Variants in TRIM25 observed in about 807,000 individuals in gnomAD.
TRIM25 encodes the protein E3 ubiquitin/ISG15 ligase TRIM25.
In TRIM25, 45 loss-of-function variants were observed where a neutral mutation model predicts 65.2. The observed-to-expected ratio is 0.69, with a 90% confidence interval of 0.54 to 0.89. The LOEUF (loss-of-function observed/expected upper bound fraction) is 0.89. Ranked by LOEUF, TRIM25 falls within the 40% of genes least tolerant of loss-of-function variation. The probability of loss-of-function intolerance (pLI) is 0.00; values close to 1 mark genes in which losing one functional copy is unlikely to be tolerated. For missense variants in TRIM25, 714 were observed against 803.7 expected, an observed-to-expected ratio of 0.89 and a Z score of 1.35; for synonymous variants, 321 against 340.4, an observed-to-expected ratio of 0.94 and a Z score of 0.63.
chr17:56,904,171 G>A (rs1336687210), intron 3 of TRIM25, 84 bp downstream of exon 3: 47 of 1,183,294 alleles, frequency 4.0e-5, no homozygotes, highest in East Asian at 2.3e-4. Context: ...CCAGTCTCCC[G>A]CTCCTTGAGG....
At chr17:56,900,846 G>A (rs1252798686) in intron 4 of TRIM25, among the ~76,000 whole-genome samples, 1 of 152,178 alleles carries the variant, frequency 6.6e-6, no homozygotes, top group Non-Finnish European at 1.5e-5. Flanking sequence ...AAGCAGAATA[G>A]GTCCCAGGAC....
chr17:56,896,378 G>T (rs955206886), intron 5 of TRIM25, among the ~76,000 whole-genome samples: 5 of 150,528 alleles, frequency 3.3e-5, no homozygotes, highest in Non-Finnish European at 5.9e-5. Flanking sequence ...AGGGCTGGGC[G>T]CATGGTGGCT....
At position 56,889,994 on chromosome 17, in the gene TRIM25, G is replaced by C. The variant is rs149213904; in HGVS notation, c.*1706C>G. 5.8e-4 allele frequency: 235 copies of C among 402,530 alleles called. No homozygotes were observed. The East Asian group carries it at 7.3e-3, about 13-fold the overall frequency. The allele number at this position is 402,530 out of a possible 1,614,324, so 24.9% of individuals were successfully genotyped here. A position where few individuals can be genotyped will look rare whatever the true frequency, so the allele number is the denominator to read the frequency against. On this transcript the variant is annotated 3_prime_UTR_variant, in exon 9 of 9. Transcript: ENST00000316881. ...GATGACACCGATCAGGTATGTACCT[G>C]CATGTCAGGTGTGTAGCTGTCAGGA...
In TRIM25 at chr17:56,889,600, C is replaced by T. The variant is rs1909125812; in HGVS notation, c.*2100G>A. 1 of 396,118 alleles carries T rather than the reference C, an allele frequency of 2.5e-6. No individual in the cohort carries two copies. Among genetic ancestry groups the T allele is most frequent in the South Asian group, 1.4e-4 (1 of 7,044 alleles). The allele number at this position is 396,118 out of a possible 1,614,324, so 24.5% of individuals were successfully genotyped here. On this transcript the variant is annotated 3_prime_UTR_variant, in exon 9 of 9. Transcript: ENST00000316881. ...AGCTTGGCTTTGGTTACCTACTTGA[C>T]TCTCTTTTAAACAGAGGGTCTTATG...
At chr17:56,909,801 C>T (rs918306500) in intron 1 of TRIM25, among the ~76,000 whole-genome samples, 2 of 152,100 alleles carry the variant, frequency 1.3e-5, no homozygotes, top group Non-Finnish European at 2.9e-5. Flanking sequence ...AAGCTAATAT[C>T]CTCATCTGAT....
At chr17:56,902,181 C>T (rs1023821960) in intron 3 of TRIM25, among the ~76,000 whole-genome samples, 1 of 152,218 alleles carries the variant, frequency 6.6e-6, no homozygotes, top group African/African-American at 2.4e-5. Context: ...TGAAACTTAA[C>T]GCCATCCAGA....
rs1909133820 is a variant in TRIM25 at position 56,889,927 on chromosome 17, A to G, written c.*1773T>C. On this transcript the variant is annotated 3_prime_UTR_variant, in exon 9 of 9. Transcript: ENST00000316881. ...CTATTGCAGGGATGTCTTTCCTACA[A>G]AGATTATTGCTCTCCCGAGGAACTG... 2.5e-6 allele frequency: 1 copy of G among 398,566 alleles called. No individual in the cohort carries two copies. The highest frequency in any genetic ancestry group is 4.4e-5 in the Admixed American group (1 of 22,756). 24.7% of individuals were successfully genotyped at this position (398,566 alleles called of 1,614,324 possible).
At chr17:56,911,002 C>A (rs558883863) in intron 1 of TRIM25, among the ~76,000 whole-genome samples, 1 of 152,226 alleles carries the variant, frequency 6.6e-6, no homozygotes, top group African/African-American at 2.4e-5. Flanking sequence ...TCCTGGCTCA[C>A]GCCTGTAATC....
chr17:56,908,759 T>A (rs1231518695), intron 1 of TRIM25, 196 bp from the exon 2 acceptor site: 2 of 587,858 alleles, frequency 3.4e-6, no homozygotes, highest in South Asian at 1.9e-5. Context: ...CTTCCCTTCA[T>A]CCTTTTCAGA....
rs1598068920 is a variant in TRIM25, at chr17:56,891,122, G to A, written c.*578C>T. On this transcript the variant is annotated 3_prime_UTR_variant, in exon 9 of 9. Coordinates refer to ENST00000316881, the MANE Select transcript of TRIM25 (RefSeq NM_005082.5). ...ATTTTCCAGTGGAGGAAGAGGGTAT[G>A]CCTCTTTAGGAAACTGTTCTGGGTA... 2.8e-6 allele frequency: 1 copy of A among 361,590 alleles called. No individual in the cohort carries two copies. The highest frequency in any genetic ancestry group is 7.3e-5 in the East Asian group (1 of 13,626). 22.4% of individuals were successfully genotyped at this position (361,590 alleles called of 1,614,324 possible).
chr17:56,891,335 C>G lies in TRIM25; in HGVS notation c.*365G>C, dbSNP rs1422621595. On this transcript the variant is annotated 3_prime_UTR_variant, in exon 9 of 9. Transcript: ENST00000316881. ...AGAGCAAAGGGGCAGCCTTCAGATCCAAGTGGCCCAAGACAGAACCTACAG... is the reference window on the plus strand; with the variant it reads ...AGAGCAAAGGGGCAGCCTTCAGATCGAAGTGGCCCAAGACAGAACCTACAG... 3.1e-6 allele frequency: 1 copy of G among 321,384 alleles called. No homozygotes were observed. Among genetic ancestry groups the G allele is most frequent in the Non-Finnish European group, 5.9e-6 (1 of 168,196 alleles). 19.9% of individuals were successfully genotyped at this position (321,384 alleles called of 1,614,324 possible). A position where few individuals can be genotyped will look rare whatever the true frequency, so the allele number is the denominator to read the frequency against.
Position 56,891,557 on chromosome 17 carries a change from T to TC in TRIM25, c.*142dup. The TC allele has an allele frequency of 1.1e-5, 3 of 283,244 alleles. No individual in the cohort carries two copies. Among genetic ancestry groups the TC allele is most frequent in the Non-Finnish European group, 2.1e-5 (3 of 142,426 alleles). 17.5% of individuals were successfully genotyped at this position (283,244 alleles called of 1,614,324 possible). A position where few individuals can be genotyped will look rare whatever the true frequency, so the allele number is the denominator to read the frequency against. ...ACCCCTTTCCTGGCTAAATCCCACCTCCCACCCTCCCGCCAGCTCCCCTCC... is the reference window on the plus strand; with the variant it reads ...ACCCCTTTCCTGGCTAAATCCCACCTCCCCACCCTCCCGCCAGCTCCCCTCC... On this transcript the variant is annotated 3_prime_UTR_variant, in exon 9 of 9. Transcript: ENST00000316881.
At chr17:56,899,277 C>A in intron 4 of TRIM25, 97 bp from the exon 5 acceptor site, 1 of 1,244,622 alleles carries the variant, frequency 8.0e-7, no homozygotes, top group South Asian at 1.3e-5. Context: ...AGGGTTTACA[C>A]AGACAGCCAT....
At chr17:56,904,067 G>A (rs577018567) in intron 3 of TRIM25, among the ~76,000 whole-genome samples, 188 bp downstream of exon 3, 1 of 152,272 alleles carries the variant, frequency 6.6e-6, no homozygotes, top group South Asian at 2.1e-4. Context: ...GAATAAATAT[G>A]TGTTTTTTGA....
At chr17:56,911,894 AAAG>A (rs1397426923) in intron 1 of TRIM25, among the ~76,000 whole-genome samples, 13 of 151,524 alleles carry the variant, frequency 8.6e-5, no homozygotes, top group Non-Finnish European at 1.8e-4. Flanking sequence ...CCTGTCTCTA[AAAG>A]AAGAAAAAAA....
rs2144366647 is a variant in TRIM25, at chr17:56,913,152, A to C, written c.597+240T>G. On this transcript the variant is annotated intron_variant, in intron 1 of 8. Coordinates refer to ENST00000316881, the MANE Select transcript of TRIM25 (RefSeq NM_005082.5). The surrounding 1 kb of genome is among the most constrained non-coding windows in gnomAD (Gnocchi z 6.1). ...CGAGACCCTGTCTCAAAAAAATAAAAATAAACACCATCAGACAATGACAGG... is the reference window on the plus strand; with the variant it reads ...CGAGACCCTGTCTCAAAAAAATAAACATAAACACCATCAGACAATGACAGG... The C allele has an allele frequency of 2.6e-6, 1 of 392,112 alleles. No homozygotes were observed. Among genetic ancestry groups the C allele is most frequent in the East Asian group, 3.7e-5 (1 of 26,668 alleles). The allele number at this position is 392,112 out of a possible 1,614,324, so 24.3% of individuals were successfully genotyped here. A position where few individuals can be genotyped will look rare whatever the true frequency, so the allele number is the denominator to read the frequency against.
At chr17:56,910,494 G>C (rs1189454048) in intron 1 of TRIM25, among the ~76,000 whole-genome samples, 8 of 152,194 alleles carry the variant, frequency 5.3e-5, no homozygotes. Context: ...AGCAAGAAGA[G>C]ACCTCAGAAC....
At chr17:56,894,455 G>A (rs1450409083) in intron 8 of TRIM25, among the ~76,000 whole-genome samples, 1 of 152,156 alleles carries the variant, frequency 6.6e-6, no homozygotes, top group Non-Finnish European at 1.5e-5. Flanking sequence ...TTGCCATGTT[G>A]GCCAGGCTGG....
chr17:56,906,657 C>T (rs1485155203), intron 2 of TRIM25, among the ~76,000 whole-genome samples: 1 of 152,180 alleles, frequency 6.6e-6, no homozygotes, highest in East Asian at 1.9e-4. Flanking sequence ...CCACGCCCGG[C>T]TAATTTTTTG....
Sources: allele counts gnomAD v4.1 joint callset (sites outside exome capture counted in the v4.1 genomes callset), GRCh38; gene constraint gnomAD v4.1.1; non-coding constraint Gnocchi (gnomAD v3.1); transcripts MANE v1.5; gene names NCBI Gene and HGNC (gene_info 2026-07-23, HGNC 2026-07-21).